The following MIOS variants were observed in gnomAD, a reference collection of about 807,000 sequenced individuals.
The protein encoded by MIOS is meiosis regulator for oocyte development.
In MIOS, 52 loss-of-function variants were observed where a neutral mutation model predicts 96.9. The ratio of observed to expected loss-of-function variants is 0.54; its 90% CI spans 0.43 to 0.68. The LOEUF (loss-of-function observed/expected upper bound fraction) is 0.68, where lower values mean the gene tolerates loss of function less well. MIOS is among the 30% of genes least tolerant of loss of function. The pLI, the probability that MIOS is intolerant of heterozygous loss-of-function variation, is 0.00. For missense variants in MIOS, 1,005 were observed against 1,052.8 expected (o/e 0.95, Z 0.63); for synonymous variants, 397 against 359.5 (o/e 1.10, Z -1.18).
intron 5 of MIOS, among the ~76,000 whole-genome samples, chr7:7,579,505 T>TA (rs904718475): frequency 6.6e-6 from 1 of 152,226 alleles, no homozygotes; most frequent in Admixed American, 6.5e-5. Flanking sequence ...CTCAAATACT[T>TA]ACCATTGTGT....
chr7:7,600,256 A>C (rs1426969262), intron 11 of MIOS, among the ~76,000 whole-genome samples: 2 of 152,078 alleles, frequency 1.3e-5, no homozygotes, highest in Admixed American at 1.3e-4. Context: ...AACAGGATCT[A>C]ATAGAAATCA....
At chr7:7,586,675 A>C (rs1185125858) in intron 7 of MIOS, among the ~76,000 whole-genome samples, 1 of 152,234 alleles carries the variant, frequency 6.6e-6, no homozygotes, top group Admixed American at 6.5e-5. Context: ...ATGTTTAATA[A>C]ATGTGTATTT....
chr7:7,587,261 C>G (rs917169130), intron 7 of MIOS, among the ~76,000 whole-genome samples: 1 of 152,022 alleles, frequency 6.6e-6, no homozygotes, highest in Non-Finnish European at 1.5e-5. Flanking sequence ...CTTGAATGAT[C>G]CACCTGACTT....
rs765523582 is a variant in MIOS at position 7,572,966 on chromosome 7, C to G, written c.491C>G (p.Ser164Ter). The part of the protein sequence containing the change: ...DIVPMEKVKL[S>*]AGETETTLLV... ...GTTCCCATGGAAAAAGTGAAACTTTCAGCAGGTGAAACTGAAACAACATTA... is the reference window on the plus strand; with the variant it reads ...GTTCCCATGGAAAAAGTGAAACTTTGAGCAGGTGAAACTGAAACAACATTA... Residue 164 changes from serine to a stop codon, truncating the protein, a stop_gained, in exon 4 of 13, where the codon TCA (serine) becomes TGA (stop). Transcript: ENST00000340080. LOFTEE classifies it high-confidence loss of function. The surrounding 1 kb of genome is among the most constrained non-coding windows in gnomAD (Gnocchi z 4.8). 1.2e-6 allele frequency: 2 copies of G among 1,614,010 alleles called. No homozygotes were observed. The highest frequency in any genetic ancestry group is 1.3e-5 in the African/African-American group (1 of 74,930).
chr7:7,594,795 C>T (rs534821309), intron 9 of MIOS, among the ~76,000 whole-genome samples, 185 bp from the exon 10 acceptor site: 5 of 150,658 alleles, frequency 3.3e-5, no homozygotes, highest in Non-Finnish European at 7.4e-5. Context: ...TTAGTGGAAC[C>T]CAGCTTGAGA....
Position 7,583,901 on chromosome 7 carries a change from G to C in MIOS, c.1648+529G>C, listed in dbSNP as rs559021834. ...GTGATTAAAATACAGTTTTCATTTA[G>C]TATTTTTTAAAAAGAAAGAGATAAG... On this transcript the variant is annotated intron_variant, in intron 6 of 12. Coordinates refer to ENST00000340080, the MANE Select transcript of MIOS (RefSeq NM_019005.4). Among the ~76,000 whole-genome samples, 6 of 152,096 alleles carry C rather than the reference G, an allele frequency of 3.9e-5. No individual in the cohort carries two copies. In the South Asian group the frequency reaches 1.2e-3, roughly 32 times the overall value.
chr7:7,603,519 C>A (rs1784438648), intron 11 of MIOS, among the ~76,000 whole-genome samples: 1 of 152,212 alleles, frequency 6.6e-6, no homozygotes, highest in Non-Finnish European at 1.5e-5. Flanking sequence ...GAGATACCAT[C>A]TCACACCAGT....
chr7:7,572,548 C>G lies in MIOS; in HGVS notation c.73C>G (p.Leu25Val). Residue 25 changes from leucine (L) to valine (V), a missense_variant, in exon 4 of 13, where the codon CTA becomes GTA. Leu to Val is a conservative substitution (Grantham distance 32, BLOSUM62 1). Coordinates refer to ENST00000340080, the MANE Select transcript of MIOS (RefSeq NM_019005.4). The surrounding 1 kb of genome is among the most constrained non-coding windows in gnomAD (Gnocchi z 4.8). ...VDRFVVCDSE[L>V]SLYHVESTVN... ...TAGATTTGTTGTGTGTGACTCAGAA[C>G]TAAGTCTTTATCATGTGGAATCTAC... The G allele has an allele frequency of 2.5e-6, 4 of 1,614,106 alleles. No homozygotes were observed. Among genetic ancestry groups the G allele is most frequent in the Non-Finnish European group, 3.4e-6 (4 of 1,180,000 alleles).
At chr7:7,596,091 G>A (rs1343377965) in intron 10 of MIOS, among the ~76,000 whole-genome samples, 166 bp from the exon 11 acceptor site, 1 of 152,072 alleles carries the variant, frequency 6.6e-6, no homozygotes, top group Non-Finnish European at 1.5e-5. Flanking sequence ...TAATTGCTAG[G>A]TATAAATTTT....
intron 5 of MIOS, among the ~76,000 whole-genome samples, chr7:7,575,439 A>G (rs10273001): frequency 0.034 from 5,145 of 152,144 alleles, 280 homozygotes; most frequent in African/African-American, 0.12. Flanking sequence ...AACCTTTATT[A>G]TAAATAGTAA....
In MIOS at chr7:7,589,770, C is replaced by G. The variant is rs554876736; in HGVS notation, c.2043+207C>G. On this transcript the variant is annotated intron_variant, in intron 9 of 12. Transcript: ENST00000340080. ...GAGTTATCCAGTTTTTCCTTTCAGT[C>G]TGAGAAGGGCCAGTCTTGACTGCAT... 1.4e-4 allele frequency among the ~76,000 whole-genome samples: 21 copies of G among 152,238 alleles called. No individual in the cohort carries two copies. In the South Asian group the frequency reaches 3.1e-3, roughly 23 times the overall value.
chr7:7,583,709 T>G (rs947678567), intron 6 of MIOS, among the ~76,000 whole-genome samples: 1 of 152,184 alleles, frequency 6.6e-6, no homozygotes, highest in Non-Finnish European at 1.5e-5. Flanking sequence ...TAGGGCTACT[T>G]TAGCCTACAA....
chr7:7,574,243 T>A, intron 5 of MIOS, 47 bp downstream of exon 5: 1 of 1,416,630 alleles, frequency 7.1e-7, no homozygotes, highest in Non-Finnish European at 9.7e-7. Flanking sequence ...ATAACTTTTG[T>A]ACTTTTATTT....
chr7:7,573,724 G>A lies in MIOS; in HGVS notation c.1249G>A (p.Gly417Arg), dbSNP rs1783431098. 1.9e-6 allele frequency: 3 copies of A among 1,611,360 alleles called. No homozygotes were observed. The highest frequency in any genetic ancestry group is 1.7e-5 in the Admixed American group (1 of 59,724). Residue 417 changes from glycine to arginine, a missense_variant, in exon 4 of 13, where the codon GGA becomes AGA. Around this residue, in one of 3 missense-constraint regions of MIOS, gnomAD observed 865 missense variants for 887.9 expected, o/e 0.97. Coordinates refer to ENST00000340080, the MANE Select transcript of MIOS (RefSeq NM_019005.4). This position sits in a 1 kb window ranked among gnomAD's most constrained non-coding sequence, Gnocchi z 5.0. The part of the protein sequence containing the change: ...EQVWRNHILA[G>R]NEDPQLKSLW... ...GGTGTGGAGGAACCACATTTTAGCT[G>A]GAAATGAAGATCCACAGCTCAAGTC... is the stretch of plus-strand genomic sequence containing the variant.
chr7:7,608,807 C>A lies in MIOS; in HGVS notation c.*1715C>A, dbSNP rs1450407978. 1.3e-5 allele frequency: 2 copies of A among 151,908 alleles called. No homozygotes were observed. Among genetic ancestry groups the A allele is most frequent in the Non-Finnish European group, 2.9e-5 (2 of 67,894 alleles). 9.4% of individuals were successfully genotyped at this position (151,908 alleles called of 1,614,324 possible). ...CAAATAGTTACAAGTTTTGGAAATA[C>A]AGTATAAAACATGAATGTAAAGTCT... On this transcript the variant is annotated 3_prime_UTR_variant, in exon 13 of 13. Coordinates refer to ENST00000340080, the MANE Select transcript of MIOS (RefSeq NM_019005.4).
rs995177887 is a variant in MIOS at position 7,608,433 on chromosome 7, A to G, written c.*1341A>G. 18 of 152,082 alleles carry G rather than the reference A, an allele frequency of 1.2e-4. No individual in the cohort carries two copies. The highest frequency in any genetic ancestry group is 4.3e-4 in the African/African-American group (18 of 41,450). 9.4% of individuals were successfully genotyped at this position (152,082 alleles called of 1,614,324 possible). On this transcript the variant is annotated 3_prime_UTR_variant, in exon 13 of 13. Coordinates refer to ENST00000340080, the MANE Select transcript of MIOS (RefSeq NM_019005.4). ...AACCTAAATATTAAAAGTAGATTAA[A>G]TTTATTTTTTACCTTGAGTGTCTGA...
intron 9 of MIOS, among the ~76,000 whole-genome samples, chr7:7,590,368 T>C (rs1784013229): frequency 6.6e-6 from 1 of 152,236 alleles, no homozygotes; most frequent in Admixed American, 6.5e-5. Context: ...CATTTTTTCT[T>C]GTTGAGATAA....
At chr7:7,590,595 T>C (rs1784019447) in intron 9 of MIOS, among the ~76,000 whole-genome samples, 1 of 152,252 alleles carries the variant, frequency 6.6e-6, no homozygotes, top group Admixed American at 6.5e-5. Context: ...ACCATCTTGC[T>C]GTTTGTTTTC....
At chr7:7,603,537 G>A (rs1001162577) in intron 11 of MIOS, among the ~76,000 whole-genome samples, 14 of 152,178 alleles carry the variant, frequency 9.2e-5, no homozygotes, top group African/African-American at 3.1e-4. Flanking sequence ...AGTTAGAATG[G>A]CGATCATTAA....
Sources: allele counts gnomAD v4.1 joint callset (sites outside exome capture counted in the v4.1 genomes callset), GRCh38; gene constraint gnomAD v4.1.1; regional missense constraint gnomAD v4.1.1; non-coding constraint Gnocchi (gnomAD v3.1); transcripts MANE v1.5; gene names NCBI Gene and HGNC (gene_info 2026-07-23, HGNC 2026-07-21).